RALGPS1: variants seen among roughly 807,000 people sequenced by gnomAD.
RALGPS1 encodes Ral GEF with PH domain and SH3 binding motif 1, also known as ras-specific guanine nucleotide-releasing factor RalGPS1.
RALGPS1 carries 19 observed loss-of-function variants against 78.8 expected under a neutral mutation model. The observed-to-expected ratio is 0.24, with a 90% CI of 0.17 to 0.35. The LOEUF is 0.35. Among genes scored for constraint, RALGPS1 ranks in the 10% least tolerant of loss-of-function variants. The pLI is 1.00. For synonymous variants in RALGPS1, 228 were observed against 256.3 expected (o/e 0.89, Z 1.06); for missense variants, 454 against 688.3 (o/e 0.66, Z 3.81).
At chr9:126,970,408 G>T (rs2039989121) in intron 3 of RALGPS1, among the ~76,000 whole-genome samples, 1 of 152,164 alleles carries the variant, frequency 6.6e-6, no homozygotes, top group Non-Finnish European at 1.5e-5. Flanking sequence ...GGTCAGGGTG[G>T]GAATAGCAGC....
chr9:126,987,435 T>C (rs989121389), intron 4 of RALGPS1, among the ~76,000 whole-genome samples: 2 of 152,170 alleles, frequency 1.3e-5, no homozygotes, highest in African/African-American at 4.8e-5. Flanking sequence ...ATACTACTTT[T>C]GGTGCCTGGT....
chr9:127,194,575 G>C (rs2061254487), intron 11 of RALGPS1, among the ~76,000 whole-genome samples: 2 of 152,178 alleles, frequency 1.3e-5, no homozygotes, highest in African/African-American at 4.8e-5. Context: ...ACCACACCCG[G>C]TGGATTTTTG....
intron 8 of RALGPS1, among the ~76,000 whole-genome samples, chr9:127,098,568 G>A (rs2053400792): frequency 6.6e-6 from 1 of 152,164 alleles, no homozygotes; most frequent in Non-Finnish European, 1.5e-5. Context: ...CCAGAGGAGG[G>A]ACATCAGCAA....
At chr9:127,064,871 A>AT (rs1193350358) in intron 7 of RALGPS1, among the ~76,000 whole-genome samples, 1 of 143,076 alleles carries the variant, frequency 7.0e-6, no homozygotes, top group Admixed American at 7.0e-5. Flanking sequence ...GGATTTATTT[A>AT]TTTTTTTGTT....
At chr9:127,082,015 G>T (rs1004444592) in intron 8 of RALGPS1, among the ~76,000 whole-genome samples, 2 of 152,220 alleles carry the variant, frequency 1.3e-5, no homozygotes, top group Non-Finnish European at 2.9e-5. Flanking sequence ...GAAACATCAT[G>T]TCCACAGAGG....
At chr9:127,154,286 G>C (rs1032760035) in intron 8 of RALGPS1, among the ~76,000 whole-genome samples, 17 of 152,250 alleles carry the variant, frequency 1.1e-4, no homozygotes, top group African/African-American at 4.1e-4. Flanking sequence ...AGTGCCTTGT[G>C]TCCACAGGGT....
intron 8 of RALGPS1, among the ~76,000 whole-genome samples, chr9:127,162,757 A>G (rs1398347245): frequency 6.6e-6 from 1 of 152,320 alleles, no homozygotes; most frequent in East Asian, 1.9e-4. Context: ...CAGGAACCCA[A>G]GAGGAGGCCC....
intron 11 of RALGPS1, among the ~76,000 whole-genome samples, chr9:127,188,832 T>TTAAAATAAAAA (rs756481918): frequency 1.1e-5 from 1 of 87,472 alleles, no homozygotes; most frequent in African/African-American, 4.3e-5. Flanking sequence ...CCATCTCTAC[T>TTAAAATAAAAA]AAAAAAAAAA....
At chr9:127,123,034 G>T (rs115976126) in intron 8 of RALGPS1, among the ~76,000 whole-genome samples, 2 of 152,242 alleles carry the variant, frequency 1.3e-5, no homozygotes, top group African/African-American at 4.8e-5. Context: ...GCGTGCAGCC[G>T]CGTGCGAGCA....
In RALGPS1 at chr9:126,988,789, G is replaced by A. The variant is rs76747904; in HGVS notation, c.216+11044G>A. ...GGGCCAAGATGAGAGGAAGCAGGCT[G>A]TAGTTGTGTCTGGAGAAAAGTGGGC... is the stretch of plus-strand genomic sequence containing the variant. On this transcript the variant is annotated intron_variant, in intron 4 of 18. Coordinates refer to ENST00000259351, the MANE Select transcript of RALGPS1 (RefSeq NM_014636.3). Among the ~76,000 whole-genome samples, 1,208 of 152,312 alleles carry A rather than the reference G, an allele frequency of 7.9e-3. 23 individuals carry two copies. The highest frequency in any genetic ancestry group is 0.027 in the African/African-American group (1,141 of 41,556).
chr9:126,983,005 C>T (rs1223877185), intron 4 of RALGPS1, among the ~76,000 whole-genome samples: 5 of 128,644 alleles, frequency 3.9e-5, no homozygotes, highest in Non-Finnish European at 6.2e-5. Context: ...GGCATGATCT[C>T]GGCTCACTGA....
intron 8 of RALGPS1, among the ~76,000 whole-genome samples, chr9:127,073,645 C>T (rs1371346887): frequency 6.6e-6 from 1 of 152,052 alleles, no homozygotes; most frequent in African/African-American, 2.4e-5. Context: ...TATGGTAGCT[C>T]TATTTTTAGT....
intron 11 of RALGPS1, among the ~76,000 whole-genome samples, chr9:127,175,738 G>A (rs889074666): frequency 6.1e-5 from 9 of 147,026 alleles, no homozygotes; most frequent in East Asian, 2.0e-4. Flanking sequence ...TTCCTCCCAG[G>A]AACGTTGGAA....
At chr9:127,014,777 C>T (rs2044666772) in intron 4 of RALGPS1, among the ~76,000 whole-genome samples, 1 of 152,034 alleles carries the variant, frequency 6.6e-6, no homozygotes, top group Admixed American at 6.6e-5. Flanking sequence ...CCATCCCCCA[C>T]CTCATCAGCC....
chr9:127,111,923 C>G (rs2054854727), intron 8 of RALGPS1, among the ~76,000 whole-genome samples: 1 of 152,216 alleles, frequency 6.6e-6, no homozygotes, highest in Non-Finnish European at 1.5e-5. Flanking sequence ...TCACTACTTT[C>G]TGATTTCACA....
intron 2 of RALGPS1, among the ~76,000 whole-genome samples, chr9:126,964,362 C>T (rs2039229062): frequency 1.4e-5 from 2 of 147,408 alleles, no homozygotes; most frequent in Admixed American, 1.3e-4. Flanking sequence ...GAGCGAGACT[C>T]CCACTCAAAA....
chr9:127,061,049 T>C (rs1268380669), intron 7 of RALGPS1, among the ~76,000 whole-genome samples: 1 of 152,282 alleles, frequency 6.6e-6, no homozygotes, highest in Non-Finnish European at 1.5e-5. Context: ...TCCTCGTGAG[T>C]GTTTCTGAGA....
At chr9:127,044,500 C>T (rs1028452256) in intron 5 of RALGPS1, among the ~76,000 whole-genome samples, 5 of 152,298 alleles carry the variant, frequency 3.3e-5, no homozygotes, top group African/African-American at 1.2e-4. Context: ...AGGTGATCTG[C>T]CCTCCTCGGC....
At position 127,176,107 on chromosome 9, in the gene RALGPS1, G is replaced by C. The variant is rs1346019571; in HGVS notation, c.910+1325G>C. ...ACCCCTGGGGGCCTCTGATATCTTA[G>C]AGAGACATGCTGGTTGATTCTCGGG... is the stretch of plus-strand genomic sequence containing the variant. On this transcript the variant is annotated intron_variant, in intron 11 of 18. Transcript: ENST00000259351. 2.0e-5 allele frequency among the ~76,000 whole-genome samples: 3 copies of C among 152,248 alleles called. No homozygotes were observed. The East Asian group carries it at 5.8e-4, about 29-fold the overall frequency.
Sources: allele counts gnomAD v4.1 joint callset (sites outside exome capture counted in the v4.1 genomes callset), GRCh38; gene constraint gnomAD v4.1.1; transcripts MANE v1.5; gene names NCBI Gene and HGNC (gene_info 2026-07-23, HGNC 2026-07-21).